Variants in KCNT2 observed in about 807,000 individuals in gnomAD.
KCNT2 encodes potassium sodium-activated channel subfamily T member 2, also known as potassium channel subfamily T member 2.
In KCNT2, 67 loss-of-function variants were observed where a neutral mutation model predicts 153.8. The observed-to-expected ratio is 0.44, with a 90% CI of 0.36 to 0.53. KCNT2 has a LOEUF of 0.53. Among genes scored for constraint, KCNT2 ranks in the 20% least tolerant of loss-of-function variants. The pLI is 0.00. For synonymous variants in KCNT2, 500 were observed against 458.8 expected (o/e 1.09, Z -1.15); for missense variants, 975 against 1,354.8 (o/e 0.72, Z 4.40).
chr1:196,394,718 T>A (rs925842721), intron 13 of KCNT2, among the ~76,000 whole-genome samples: 5 of 151,544 alleles, frequency 3.3e-5, no homozygotes. Flanking sequence ...TCTTTTTAAT[T>A]TTCCTTGTAG....
At chr1:196,416,047 T>G (rs539773656) in intron 12 of KCNT2, among the ~76,000 whole-genome samples, 18 of 152,132 alleles carry the variant, frequency 1.2e-4, no homozygotes, top group Non-Finnish European at 1.5e-4. Flanking sequence ...CTAAGTAGCA[T>G]AAAATCTCAC....
intron 27 of KCNT2, among the ~76,000 whole-genome samples, chr1:196,233,710 A>C (rs1306694402): frequency 6.6e-6 from 1 of 151,544 alleles, no homozygotes; most frequent in Non-Finnish European, 1.5e-5. Flanking sequence ...TCATCCATAA[A>C]AAAGATGAAA....
At chr1:196,489,811 G>T (rs772231879) in intron 3 of KCNT2, 27 bp downstream of exon 3, 4 of 1,133,336 alleles carry the variant, frequency 3.5e-6, no homozygotes, top group Non-Finnish European at 5.2e-6. Context: ...AAATAATATT[G>T]TTGAAGGTCA....
chr1:196,237,388 T>C (rs1248819174), intron 26 of KCNT2, among the ~76,000 whole-genome samples: 1 of 151,688 alleles, frequency 6.6e-6, no homozygotes, highest in Non-Finnish European at 1.5e-5. Context: ...TTAAACCCAC[T>C]GTAAGTTTGC....
intron 8 of KCNT2, 124 bp from the exon 9 acceptor site, chr1:196,429,881 C>A: frequency 1.7e-6 from 1 of 597,884 alleles, no homozygotes; most frequent in Non-Finnish European, 2.9e-6. Context: ...TTATATTTTA[C>A]AATATATTTT....
chr1:196,518,478 TAAAA>T (rs35962682), intron 1 of KCNT2, among the ~76,000 whole-genome samples: 9 of 126,350 alleles, frequency 7.1e-5, no homozygotes, highest in East Asian at 2.3e-4. Flanking sequence ...AAGCTGGATT[TAAAA>T]AAAAAAAAAA....
intron 1 of KCNT2, among the ~76,000 whole-genome samples, chr1:196,520,747 G>A (rs1288368031): frequency 6.6e-6 from 1 of 152,182 alleles, no homozygotes; most frequent in Non-Finnish European, 1.5e-5. Flanking sequence ...CTAGCCATAT[G>A]CAGAAGATTG....
intron 16 of KCNT2, among the ~76,000 whole-genome samples, chr1:196,339,360 T>C (rs1665365657): frequency 1.3e-5 from 2 of 152,022 alleles, no homozygotes; most frequent in Non-Finnish European, 2.9e-5. Flanking sequence ...GGTGTCAGAT[T>C]GAACTGGGTA....
chr1:196,400,125 G>T (rs1394814733), intron 12 of KCNT2, among the ~76,000 whole-genome samples: 1 of 151,738 alleles, frequency 6.6e-6, no homozygotes, highest in Non-Finnish European at 1.5e-5. Flanking sequence ...ATATCAGAAT[G>T]AGCCCAATAA....
intron 5 of KCNT2, among the ~76,000 whole-genome samples, chr1:196,471,049 C>CT (rs1034965658): frequency 5.3e-5 from 8 of 150,748 alleles, no homozygotes; most frequent in Non-Finnish European, 5.9e-5. Context: ...CCCGGCTAAT[C>CT]TTTTTTTTAT....
intron 1 of KCNT2, among the ~76,000 whole-genome samples, chr1:196,503,106 G>A (rs1387181283): frequency 1.3e-5 from 2 of 151,514 alleles, no homozygotes; most frequent in Non-Finnish European, 2.9e-5. Context: ...ATTTAGGCCT[G>A]TAATAAATTA....
intron 14 of KCNT2, among the ~76,000 whole-genome samples, chr1:196,365,779 C>T (rs1317930726): frequency 1.3e-5 from 2 of 152,162 alleles, no homozygotes; most frequent in Non-Finnish European, 2.9e-5. Flanking sequence ...TCTGGGTATC[C>T]TGTTTTGTCT....
chr1:196,297,105 A>C (rs1479255051), intron 22 of KCNT2, among the ~76,000 whole-genome samples: 2 of 151,526 alleles, frequency 1.3e-5, no homozygotes, highest in Non-Finnish European at 2.9e-5. Context: ...TAAATTATGC[A>C]ATCTCTCTCT....
At chr1:196,410,784 C>T (rs1028936406) in intron 12 of KCNT2, among the ~76,000 whole-genome samples, 21 of 151,150 alleles carry the variant, frequency 1.4e-4, no homozygotes, top group Non-Finnish European at 2.8e-4. Context: ...AAATCAATGC[C>T]AAGACCAAAG....
At chr1:196,377,350 A>G (rs894877759) in intron 13 of KCNT2, among the ~76,000 whole-genome samples, 1 of 151,930 alleles carries the variant, frequency 6.6e-6, no homozygotes, top group African/African-American at 2.4e-5. Flanking sequence ...GGTGGGGGGG[A>G]GAATTTCAAG....
chr1:196,333,119 T>C (rs1283343743), intron 17 of KCNT2, among the ~76,000 whole-genome samples: 1 of 151,440 alleles, frequency 6.6e-6, no homozygotes, highest in African/African-American at 2.4e-5. Flanking sequence ...TGTTTGTTTG[T>C]TTAATTAAAG....
At chr1:196,279,424 T>C (rs975607128) in intron 25 of KCNT2, among the ~76,000 whole-genome samples, 1 of 151,718 alleles carries the variant, frequency 6.6e-6, no homozygotes, top group African/African-American at 2.4e-5. Flanking sequence ...TTAAAAAATT[T>C]TTTTTTATTA....
chr1:196,311,740 T>A (rs1312730627), intron 21 of KCNT2, among the ~76,000 whole-genome samples: 1 of 147,644 alleles, frequency 6.8e-6, no homozygotes, highest in Non-Finnish European at 1.5e-5. Flanking sequence ...GAATCTGCCA[T>A]TTTTTTTTTA....
At chr1:196,588,634 T>A (rs6698581) in intron 1 of KCNT2, among the ~76,000 whole-genome samples, 149,452 of 152,064 alleles carry the variant, frequency 0.98, 73,485 homozygotes, top group Middle Eastern at 1. Flanking sequence ...ATCTACAATG[T>A]TACAATAGTA....
Sources: gnomAD v4.1 joint callset for allele counts (sites outside exome capture counted in the v4.1 genomes callset) on GRCh38, gnomAD v4.1.1 for gene constraint, MANE v1.5 for transcripts, NCBI Gene and HGNC (gene_info 2026-07-23, HGNC 2026-07-21) for gene names.